Variants in USP15 observed in about 807,000 individuals in gnomAD.
The protein encoded by USP15 is ubiquitin specific peptidase 15.
Under a neutral mutation model 127.1 loss-of-function variants are expected in USP15, and 18 were observed. The ratio of observed to expected loss-of-function variants is 0.14; its 90% confidence interval spans 0.10 to 0.21. The LOEUF (loss-of-function observed/expected upper bound fraction) is 0.21. USP15 is among the 10% of genes least tolerant of loss of function. USP15 has a pLI of 1.00. For missense variants in USP15, 805 were observed against 1,159.9 expected, an observed-to-expected ratio of 0.69 and a Z score of 4.44; for synonymous variants, 364 against 393.7, an observed-to-expected ratio of 0.92 and a Z score of 0.89.
intron 8 of USP15, among the ~76,000 whole-genome samples, chr12:62,370,849 A>G (rs1463209012): frequency 2.6e-5 from 4 of 152,182 alleles, no homozygotes; most frequent in Admixed American, 6.5e-5. Context: ...CAAGATGCCT[A>G]CTTACACTAA....
intron 1 of USP15, among the ~76,000 whole-genome samples, chr12:62,270,911 T>G (rs1183932718): frequency 1.3e-5 from 2 of 152,076 alleles, no homozygotes; most frequent in Admixed American, 6.6e-5. Flanking sequence ...GCAGCCTGTC[T>G]TCTTACCTTC....
intron 3 of USP15, among the ~76,000 whole-genome samples, chr12:62,305,400 A>G (rs2064454231): frequency 6.6e-6 from 1 of 152,192 alleles, no homozygotes. Flanking sequence ...TTGATATGTT[A>G]AAAGAAAATA....
At chr12:62,333,619 C>G (rs2065369803) in intron 6 of USP15, among the ~76,000 whole-genome samples, 8 of 151,986 alleles carry the variant, frequency 5.3e-5, no homozygotes, top group Admixed American at 5.3e-4. Flanking sequence ...CATTTTGAAT[C>G]CTTAAATTTC....
At chr12:62,347,284 A>G (rs927628843) in intron 6 of USP15, among the ~76,000 whole-genome samples, 1 of 151,668 alleles carries the variant, frequency 6.6e-6, no homozygotes, top group Non-Finnish European at 1.5e-5. Context: ...TGAGAAGAAA[A>G]AGAAAAAAGT....
rs1461973602 is a variant in USP15, at chr12:62,406,923, C to G, written c.*2548C>G. 6.6e-6 allele frequency: 1 copy of G among 152,022 alleles called. No homozygotes were observed. Among genetic ancestry groups the G allele is most frequent in the African/African-American group, 2.4e-5 (1 of 41,308 alleles). The allele number at this position is 152,022 out of a possible 1,614,324, so 9.4% of individuals were successfully genotyped here. On this transcript the variant is annotated 3_prime_UTR_variant, in exon 22 of 22. Transcript: ENST00000280377. Reference sequence around the variant, plus strand: ...AAGGCCGCAGTTAGCCGAAATCACACCCCTGCACTCCAGCCTGTGCAACAT... The same window carrying G: ...AAGGCCGCAGTTAGCCGAAATCACAGCCCTGCACTCCAGCCTGTGCAACAT...
At chr12:62,368,462 C>CG (rs1327296130) in intron 8 of USP15, among the ~76,000 whole-genome samples, 1 of 152,156 alleles carries the variant, frequency 6.6e-6, no homozygotes, top group African/African-American at 2.4e-5. Context: ...TTGTAGGTCT[C>CG]TAAGAACTTG....
At chr12:62,303,852 T>C (rs899508736) in intron 3 of USP15, among the ~76,000 whole-genome samples, 3 of 152,176 alleles carry the variant, frequency 2.0e-5, no homozygotes, top group African/African-American at 4.8e-5. Context: ...ATTCCTTAGT[T>C]TCACTCAGCC....
At chr12:62,301,247 A>G (rs2064309131) in intron 2 of USP15, among the ~76,000 whole-genome samples, 1 of 152,164 alleles carries the variant, frequency 6.6e-6, no homozygotes, top group Non-Finnish European at 1.5e-5. Flanking sequence ...TCGATGTCAT[A>G]TCATAAAAGC....
chr12:62,270,266 C>A (rs2063318716), intron 1 of USP15, among the ~76,000 whole-genome samples: 1 of 151,892 alleles, frequency 6.6e-6, no homozygotes, highest in Non-Finnish European at 1.5e-5. Context: ...GATACAGGTT[C>A]CTTATTAAAT....
In USP15 at chr12:62,414,687, A is replaced by G. The variant is rs909195529; in HGVS notation, c.*10312A>G. ...AATAACTACATGTCTTTGGCAGCCT[A>G]TAATGTAGCATCCCATTTTTAAAAA... is the stretch of plus-strand genomic sequence containing the variant. On this transcript the variant is annotated 3_prime_UTR_variant, in exon 22 of 22. Transcript: ENST00000280377. 4 of 152,138 alleles carry G rather than the reference A, an allele frequency of 2.6e-5. No homozygotes were observed. Among genetic ancestry groups the G allele is most frequent in the African/African-American group, 9.7e-5 (4 of 41,428 alleles). The allele number at this position is 152,138 out of a possible 1,614,324, so 9.4% of individuals were successfully genotyped here. A position where few individuals can be genotyped will look rare whatever the true frequency, so the allele number is the denominator to read the frequency against.
chr12:62,301,977 G>A (rs1172110722), intron 2 of USP15, among the ~76,000 whole-genome samples: 1 of 152,162 alleles, frequency 6.6e-6, no homozygotes, highest in Non-Finnish European at 1.5e-5. Flanking sequence ...CTGTGATGTA[G>A]GTATGGTTCC....
chr12:62,318,130 T>G (rs537235320), intron 4 of USP15, among the ~76,000 whole-genome samples: 37 of 152,294 alleles, frequency 2.4e-4, no homozygotes, highest in African/African-American at 8.7e-4. Flanking sequence ...CATTCTCAAC[T>G]TCAGTGATCT....
chr12:62,406,794 G>T lies in USP15; in HGVS notation c.*2419G>T, dbSNP rs1019207180. The T allele has an allele frequency of 6.6e-6, 1 of 152,044 alleles. No individual in the cohort carries two copies. Among genetic ancestry groups the T allele is most frequent in the Non-Finnish European group, 1.5e-5 (1 of 68,010 alleles). 9.4% of individuals were successfully genotyped at this position (152,044 alleles called of 1,614,324 possible). On this transcript the variant is annotated 3_prime_UTR_variant, in exon 22 of 22. Transcript: ENST00000280377. ...GAGTAACATAGTGAGAACCTCATCT[G>T]TACAAATATATGTATTTTTTTTTAA... is the stretch of plus-strand genomic sequence containing the variant.
intron 6 of USP15, among the ~76,000 whole-genome samples, chr12:62,333,116 T>C (rs1023830398): frequency 1.3e-5 from 2 of 152,270 alleles, no homozygotes; most frequent in Non-Finnish European, 2.9e-5. Flanking sequence ...TAGACTCATT[T>C]GGTTAAAAAT....
At chr12:62,344,378 T>C (rs536485430) in intron 6 of USP15, among the ~76,000 whole-genome samples, 1 of 152,334 alleles carries the variant, frequency 6.6e-6, no homozygotes, top group Admixed American at 6.5e-5. Context: ...TTTGACTCCA[T>C]GTCTTGCATC....
intron 1 of USP15, chr12:62,279,211 A>G (rs749111481): frequency 6.6e-5 from 10 of 152,102 alleles, no homozygotes; most frequent in African/African-American, 9.7e-5. Flanking sequence ...TTCTATGACT[A>G]TGATGTTTTA....
intron 8 of USP15, among the ~76,000 whole-genome samples, chr12:62,381,261 C>T (rs1170602209): frequency 6.6e-6 from 1 of 151,904 alleles, no homozygotes; most frequent in African/African-American, 2.4e-5. Flanking sequence ...TTTACAGCAG[C>T]GGATATTAGC....
chr12:62,287,692 A>G (rs1196467766), intron 1 of USP15, among the ~76,000 whole-genome samples: 1 of 152,040 alleles, frequency 6.6e-6, no homozygotes, highest in African/African-American at 2.4e-5. Context: ...GACTTTTATA[A>G]AAGTTTCAAG....
At position 62,389,498 on chromosome 12, in the gene USP15, G is replaced by A; in HGVS notation, c.1541G>A (p.Gly514Glu). Residue 514 changes from glycine to glutamate, a missense_variant, in exon 12 of 22, where the codon GGA becomes GAA. Coordinates refer to ENST00000280377, the MANE Select transcript of USP15 (RefSeq NM_001252078.2). ...DLCTALSALS[G>E]IPADKMIVTD... ...TGTACAGCATTGTCTGCTTTGTCAG[G>A]AATACCTGCAGATAAGGTAAGATGT... is the stretch of plus-strand genomic sequence containing the variant. 1 of 1,613,754 alleles carries A rather than the reference G, an allele frequency of 6.2e-7. No individual in the cohort carries two copies. Among genetic ancestry groups the A allele is most frequent in the East Asian group, 2.2e-5 (1 of 44,830 alleles).
Sources: gnomAD v4.1 joint callset for allele counts (sites outside exome capture counted in the v4.1 genomes callset) on GRCh38, gnomAD v4.1.1 for gene constraint, MANE v1.5 for transcripts, NCBI Gene and HGNC (gene_info 2026-07-23, HGNC 2026-07-21) for gene names.